CACNA1B: variants seen among roughly 807,000 people sequenced by gnomAD.
CACNA1B encodes the protein calcium voltage-gated channel subunit alpha1 B.
In CACNA1B, 70 loss-of-function variants were observed where a neutral mutation model predicts 247.2. That is an observed-to-expected ratio of 0.28 (90% CI 0.23 to 0.35). CACNA1B has a LOEUF of 0.35. Ranked by LOEUF, CACNA1B falls within the 10% of genes least tolerant of loss-of-function variation. The pLI is 1.00. For missense variants in CACNA1B, 2,367 were observed against 3,197.4 expected (o/e 0.74, Z 6.26); for synonymous variants, 1,231 against 1,294.4 (o/e 0.95, Z 1.05).
intron 20 of CACNA1B, among the ~76,000 whole-genome samples, chr9:138,037,548 A>G (rs1170408119): frequency 2.0e-5 from 3 of 152,118 alleles, no homozygotes; most frequent in Non-Finnish European, 4.4e-5. Context: ...AATTCCAGCT[A>G]TTCAGGAGGC....
At chr9:137,976,800 T>C (rs1217593852) in intron 12 of CACNA1B, among the ~76,000 whole-genome samples, 1 of 111,184 alleles carries the variant, frequency 9.0e-6, no homozygotes, top group African/African-American at 3.9e-5. Context: ...TACCAACTTA[T>C]GTAGGTAGGG....
chr9:138,075,269 A>C (rs1042438007), intron 34 of CACNA1B, among the ~76,000 whole-genome samples: 1 of 152,232 alleles, frequency 6.6e-6, no homozygotes, highest in Non-Finnish European at 1.5e-5. Flanking sequence ...GTGGATGTAC[A>C]AGAGCACATA....
intron 20 of CACNA1B, among the ~76,000 whole-genome samples, chr9:138,036,627 A>G (rs756819083): frequency 1.3e-5 from 2 of 152,210 alleles, no homozygotes; most frequent in Non-Finnish European, 2.9e-5. Flanking sequence ...TTGAGAAGCC[A>G]GTCATTCGTC....
At chr9:137,958,520 T>C (rs1045692755) in intron 10 of CACNA1B, among the ~76,000 whole-genome samples, 2 of 152,246 alleles carry the variant, frequency 1.3e-5, no homozygotes, top group African/African-American at 4.8e-5. Context: ...AACCTGGCGT[T>C]GCTGATGTGG....
rs73577516 is a variant in CACNA1B, at chr9:138,117,789, C to T, written c.5778-157C>T. ...ACAGGCCACGTTGGGGCTCTTGTGC[C>T]CAAAGGAGGGCTCAATTCAGTCCAG... On this transcript the variant is annotated intron_variant, in intron 42 of 46. Coordinates refer to ENST00000371372, the MANE Select transcript of CACNA1B (RefSeq NM_000718.4). Among the ~76,000 whole-genome samples, 574 of 152,170 alleles carry T rather than the reference C, an allele frequency of 3.8e-3. 7 individuals carry two copies. Among genetic ancestry groups the T allele is most frequent in the African/African-American group, 0.013 (539 of 41,512 alleles).
At chr9:138,118,917 G>T in intron 44 of CACNA1B, 149 bp downstream of exon 44, 1 of 592,534 alleles carries the variant, frequency 1.7e-6, no homozygotes, top group Non-Finnish European at 3.0e-6. Flanking sequence ...GCAGGAGCAG[G>T]CACCCCGGGC....
chr9:137,879,246 C>T (rs1956883912), intron 2 of CACNA1B, 87 bp downstream of exon 2: 4 of 866,104 alleles, frequency 4.6e-6, no homozygotes, highest in Non-Finnish European at 7.3e-6. Flanking sequence ...GAACAGCTTC[C>T]TCGGGCAGGG....
At chr9:138,078,031 G>A in intron 35 of CACNA1B, 83 bp from the exon 36 acceptor site, 1 of 1,259,498 alleles carries the variant, frequency 7.9e-7, no homozygotes, top group Non-Finnish European at 1.1e-6. Flanking sequence ...GAGCCCAAAG[G>A]AGTGGGCACG....
Position 137,882,617 on chromosome 9 carries a change from G to C in CACNA1B, c.391-127G>C, listed in dbSNP as rs1956940124. On this transcript the variant is annotated intron_variant, in intron 2 of 46. Transcript: ENST00000371372. The surrounding 1 kb of genome is among the most constrained non-coding windows in gnomAD (Gnocchi z 4.0). The stretch of plus-strand genomic sequence containing the variant: ...ATCTGCAGGGTGTTGGGGGCAAGGT[G>C]AGGAGGGTCAGACCCTCACGATAGC... 2 of 1,039,800 alleles carry C rather than the reference G, an allele frequency of 1.9e-6. No individual in the cohort carries two copies. Among genetic ancestry groups the C allele is most frequent in the Non-Finnish European group, 2.8e-6 (2 of 702,764 alleles). The allele number at this position is 1,039,800 out of a possible 1,614,324, so 64.4% of individuals were successfully genotyped here. A position where few individuals can be genotyped will look rare whatever the true frequency, so the allele number is the denominator to read the frequency against.
Position 137,971,432 on chromosome 9 carries a change from G to A in CACNA1B, c.1383G>A (p.Ser461=), listed in dbSNP as rs61739616. The A allele has an allele frequency of 9.3e-6, 15 of 1,613,448 alleles. No individual in the cohort carries two copies. Among genetic ancestry groups the A allele is most frequent in the East Asian group, 2.2e-5 (1 of 44,888 alleles). ...TCAAGAGCGGGAAGACAGAGAGCTC[G>A]TCATACTTCCGGAGGAAGGAGAAGA... ...ASLKSGKTES[S]SYFRRKEKMF... Residue 461 remains serine (S), a synonymous_variant, in exon 11 of 47, where the codon TCG becomes TCA. Coordinates refer to ENST00000371372, the MANE Select transcript of CACNA1B (RefSeq NM_000718.4). This position sits in a 1 kb window ranked among gnomAD's most constrained non-coding sequence, Gnocchi z 4.4.
Position 138,058,720 on chromosome 9 carries a change from T to C in CACNA1B, c.4460T>C (p.Val1487Ala), listed in dbSNP as rs1959605714. 6.2e-7 allele frequency: 1 copy of C among 1,606,108 alleles called. No homozygotes were observed. The highest frequency in any genetic ancestry group is 1.3e-5 in the African/African-American group (1 of 74,888). Residue 1487 changes from valine to alanine, a missense_variant, in exon 29 of 47, where the codon GTG becomes GCG. Val to Ala is a moderately conservative substitution (Grantham distance 64). Coordinates refer to ENST00000371372, the MANE Select transcript of CACNA1B (RefSeq NM_000718.4). This position sits in a 1 kb window ranked among gnomAD's most constrained non-coding sequence, Gnocchi z 4.7. ...GCCATGATAGCCCTCAACACTGTGG[T>C]GCTGATGATGAAGGTGTGTGGGGCT... ...IMAMIALNTVVLMMKFYDAPY... is the reference protein window; with the variant it reads ...IMAMIALNTVALMMKFYDAPY...
chr9:137,995,492 T>C (rs931162157), intron 15 of CACNA1B, among the ~76,000 whole-genome samples: 4 of 152,166 alleles, frequency 2.6e-5, no homozygotes, highest in Admixed American at 6.5e-5. Context: ...GGTAGGAGAA[T>C]GAAACTGGAT....
rs1380581308 is a variant in CACNA1B at position 138,014,695 on chromosome 9, GC to G, written c.2267+1462del. Among the ~76,000 whole-genome samples the G allele has an allele frequency of 6.6e-6, 1 of 152,094 alleles. No individual in the cohort carries two copies. The highest frequency in any genetic ancestry group is 2.4e-5 in the African/African-American group (1 of 41,406). ...GTGTTCAGCTCCTGGCCTCGCGCAG[GC>G]CTCGTGTTGTTCTCCTGAAGACTTG... is the stretch of plus-strand genomic sequence containing the variant. On this transcript the variant is annotated intron_variant, in intron 18 of 46. Coordinates refer to ENST00000371372, the MANE Select transcript of CACNA1B (RefSeq NM_000718.4). This position sits in a 1 kb window ranked among gnomAD's most constrained non-coding sequence, Gnocchi z 6.2.
rs539478270 is a variant in CACNA1B, at chr9:138,036,178, C to T, written c.3287-7596C>T. On this transcript the variant is annotated intron_variant, in intron 20 of 46. Transcript: ENST00000371372. ...TTTTTGAGACGGAGTCTCGCTCTGT[C>T]GCCCAGGCTGGAGTGCAGTGGCGCA... Among the ~76,000 whole-genome samples the T allele has an allele frequency of 4.0e-5, 6 of 151,798 alleles. No homozygotes were observed. The East Asian group carries it at 7.8e-4, about 20-fold the overall frequency.
At chr9:137,994,973 G>C (rs1958478702) in intron 15 of CACNA1B, among the ~76,000 whole-genome samples, 1 of 152,140 alleles carries the variant, frequency 6.6e-6, no homozygotes. Context: ...GGAAGGCCAA[G>C]GCGGGCAGAT....
chr9:137,945,661 T>A (rs1957787193), intron 6 of CACNA1B, among the ~76,000 whole-genome samples: 1 of 152,228 alleles, frequency 6.6e-6, no homozygotes, highest in Admixed American at 6.5e-5. Context: ...ACCTTTGGAT[T>A]TTTCCTATAC....
At chr9:138,004,748 A>G (rs1958626172) in intron 15 of CACNA1B, among the ~76,000 whole-genome samples, 1 of 152,188 alleles carries the variant, frequency 6.6e-6, no homozygotes, top group South Asian at 2.1e-4. Flanking sequence ...ACAAGGGACT[A>G]CTATCCACAA....
intron 15 of CACNA1B, among the ~76,000 whole-genome samples, chr9:137,995,180 C>T (rs11795326): frequency 6.7e-6 from 1 of 150,208 alleles, no homozygotes; most frequent in Non-Finnish European, 1.5e-5. Flanking sequence ...CCATTGCACT[C>T]CAGTCTGGGT....
At position 137,986,728 on chromosome 9, in the gene CACNA1B, G is replaced by C; in HGVS notation, c.1902-54G>C. 2 of 1,474,752 alleles carry C rather than the reference G, an allele frequency of 1.4e-6. No individual in the cohort carries two copies. Among genetic ancestry groups the C allele is most frequent in the South Asian group, 2.3e-5 (2 of 88,178 alleles). 91.4% of individuals were successfully genotyped at this position (1,474,752 alleles called of 1,614,324 possible). On this transcript the variant is annotated intron_variant, in intron 14 of 46. Transcript: ENST00000371372. The surrounding 1 kb of genome is among the most constrained non-coding windows in gnomAD (Gnocchi z 6.0). ...TGAGGCCACGCTGGAGCCTGCAGGC[G>C]CTGCCTCGCTGCTGACGGGACTGCC...
Sources: allele counts gnomAD v4.1 joint callset (sites outside exome capture counted in the v4.1 genomes callset), GRCh38; gene constraint gnomAD v4.1.1; non-coding constraint Gnocchi (gnomAD v3.1); transcripts MANE v1.5; gene names NCBI Gene and HGNC (gene_info 2026-07-23, HGNC 2026-07-21).